PTPRD: variants seen among roughly 807,000 people sequenced by gnomAD.
The protein encoded by PTPRD is protein tyrosine phosphatase receptor type D.
A neutral mutation model predicts 214.5 loss-of-function variants in PTPRD; 34 were observed. The observed-to-expected ratio is 0.16, with a 90% CI of 0.12 to 0.21. PTPRD has a LOEUF of 0.21. Among genes scored for constraint, PTPRD ranks in the 10% least tolerant of loss-of-function variants. The pLI, the probability that PTPRD is intolerant of heterozygous loss-of-function variation, is 1.00. For synonymous variants in PTPRD, 1,128 were observed against 845.7 expected (o/e 1.33, Z -5.79); for missense variants, 2,545 against 2,398.7 (o/e 1.06, Z -1.27).
At chr9:9,899,367 A>C (rs2075830846) in intron 5 of PTPRD, among the ~76,000 whole-genome samples, 1 of 152,250 alleles carries the variant, frequency 6.6e-6, no homozygotes, top group East Asian at 1.9e-4. Context: ...GCAAAATAAT[A>C]ATAATTTATT....
chr9:8,622,576 G>T (rs2095855841), intron 14 of PTPRD, among the ~76,000 whole-genome samples: 1 of 151,888 alleles, frequency 6.6e-6, no homozygotes, highest in African/African-American at 2.4e-5. Context: ...AGAGATTGTA[G>T]CTTCCTTGAA....
At chr9:9,304,726 T>A (rs566916270) in intron 9 of PTPRD, among the ~76,000 whole-genome samples, 1 of 151,436 alleles carries the variant, frequency 6.6e-6, no homozygotes, top group Admixed American at 6.6e-5. Context: ...AGATTTTATA[T>A]GTATATTTTC....
At chr9:10,075,807 A>C (rs771343499) in intron 3 of PTPRD, among the ~76,000 whole-genome samples, 12 of 152,110 alleles carry the variant, frequency 7.9e-5, no homozygotes, top group Non-Finnish European at 1.5e-4. Context: ...CTAATTTTTC[A>C]AATAACCAAG....
chr9:10,339,382 G>A lies in PTPRD; in HGVS notation c.-545+1581C>T, dbSNP rs371770673. Among the ~76,000 whole-genome samples, 55 of 151,790 alleles carry A rather than the reference G, an allele frequency of 3.6e-4. 1 individual carries two copies. In the East Asian group the frequency reaches 4.9e-3, roughly 13 times the overall value. ...GTTTGTTTTGCTCTTCAAGAGAAAA[G>A]TAAGCATCCCTTACTTTTCCTTCCC... On this transcript the variant is annotated intron_variant, in intron 3 of 45. Coordinates refer to ENST00000381196, the MANE Select transcript of PTPRD (RefSeq NM_002839.4).
At chr9:10,355,747 G>A (rs1044888156) in intron 2 of PTPRD, among the ~76,000 whole-genome samples, 1 of 151,910 alleles carries the variant, frequency 6.6e-6, no homozygotes, top group Non-Finnish European at 1.5e-5. Context: ...CAAAGCGCTG[G>A]GATTACAGGC....
chr9:10,079,266 G>A (rs187657709), intron 3 of PTPRD, among the ~76,000 whole-genome samples: 6 of 152,172 alleles, frequency 3.9e-5, no homozygotes, highest in East Asian at 1.9e-4. Flanking sequence ...CCAGACGGGC[G>A]TGCCATTGCA....
intron 14 of PTPRD, among the ~76,000 whole-genome samples, chr9:8,533,527 G>A (rs565002309): frequency 1.1e-3 from 162 of 152,052 alleles, no homozygotes; most frequent in African/African-American, 3.7e-3. Context: ...AGAGGTTTTG[G>A]CAGTAATGGC....
chr9:8,660,222 C>G (rs1270671387), intron 12 of PTPRD, among the ~76,000 whole-genome samples: 1 of 151,362 alleles, frequency 6.6e-6, no homozygotes, highest in African/African-American at 2.5e-5. Flanking sequence ...GGCACATATC[C>G]TATAGAAGAA....
At chr9:8,815,113 T>C (rs1463397683) in intron 11 of PTPRD, among the ~76,000 whole-genome samples, 1 of 152,050 alleles carries the variant, frequency 6.6e-6, no homozygotes, top group Non-Finnish European at 1.5e-5. Flanking sequence ...ATTTAGTTTT[T>C]TTTTTTTCAT....
chr9:9,046,556 C>G (rs1290175184), intron 10 of PTPRD, among the ~76,000 whole-genome samples: 1 of 152,074 alleles, frequency 6.6e-6, no homozygotes, highest in African/African-American at 2.4e-5. Context: ...TCTTCCTATT[C>G]CTTTTATTGA....
At chr9:9,529,301 T>TA (rs774855581) in intron 8 of PTPRD, among the ~76,000 whole-genome samples, 70 of 143,406 alleles carry the variant, frequency 4.9e-4, no homozygotes, top group Non-Finnish European at 4.6e-4. Context: ...ATGGATTCAT[T>TA]AAAAAAAAAA....
intron 7 of PTPRD, among the ~76,000 whole-genome samples, chr9:9,709,730 T>C (rs1264928039): frequency 6.6e-6 from 1 of 152,104 alleles, no homozygotes; most frequent in Non-Finnish European, 1.5e-5. Flanking sequence ...CAAATTTTTA[T>C]AGTACTATTT....
chr9:10,247,434 G>T (rs1279400631), intron 3 of PTPRD, among the ~76,000 whole-genome samples: 1 of 152,164 alleles, frequency 6.6e-6, no homozygotes, highest in Non-Finnish European at 1.5e-5. Context: ...GAGACAAAAT[G>T]TAGTTTTATA....
chr9:8,730,262 A>G (rs542106112), intron 12 of PTPRD, among the ~76,000 whole-genome samples: 18 of 152,314 alleles, frequency 1.2e-4, no homozygotes, highest in Admixed American at 9.8e-4. Flanking sequence ...TCTCAAAAAA[A>G]GAAAAAAAAA....
intron 2 of PTPRD, among the ~76,000 whole-genome samples, chr9:10,606,532 T>TC (rs1567180914): frequency 7.6e-6 from 1 of 132,282 alleles, no homozygotes; most frequent in Admixed American, 7.9e-5. Flanking sequence ...TTCTTTATTT[T>TC]CTTTTTTTTT....
At chr9:10,406,042 T>C (rs957933221) in intron 2 of PTPRD, among the ~76,000 whole-genome samples, 3 of 151,226 alleles carry the variant, frequency 2.0e-5, no homozygotes, top group Admixed American at 2.0e-4. Flanking sequence ...TTAGCTCAGA[T>C]CAATATTTCT....
intron 2 of PTPRD, among the ~76,000 whole-genome samples, chr9:10,394,604 A>T (rs2098133239): frequency 1.3e-5 from 2 of 151,894 alleles, no homozygotes. Flanking sequence ...GTCTATCCAA[A>T]CACTCTTTAA....
intron 4 of PTPRD, among the ~76,000 whole-genome samples, chr9:10,007,472 G>C (rs17616304): frequency 0.22 from 34,156 of 151,840 alleles, 4,809 homozygotes; most frequent in Non-Finnish European, 0.3. Flanking sequence ...TGAATTACTT[G>C]TCCTTGGGGG....
chr9:9,054,292 T>C (rs113443614), intron 10 of PTPRD, among the ~76,000 whole-genome samples: 2,245 of 152,298 alleles, frequency 0.015, 27 homozygotes, highest in Non-Finnish European at 0.021. Context: ...GAATTCAATA[T>C]ATTGAGACAC....
Sources: allele counts gnomAD v4.1 joint callset (sites outside exome capture counted in the v4.1 genomes callset), GRCh38; gene constraint gnomAD v4.1.1; transcripts MANE v1.5; gene names NCBI Gene and HGNC (gene_info 2026-07-23, HGNC 2026-07-21).